CADM1: variants seen among roughly 807,000 people sequenced by gnomAD.
CADM1 encodes the protein TSLC-1.
Under a neutral mutation model 53.1 loss-of-function variants are expected in CADM1, and 15 were observed. The ratio of observed to expected loss-of-function variants is 0.28; its 90% CI spans 0.19 to 0.44. The LOEUF is 0.44. CADM1 is among the 20% of genes least tolerant of loss of function. The probability of loss-of-function intolerance (pLI) is 1.00; values close to 1 mark genes in which losing one functional copy is unlikely to be tolerated. For synonymous variants in CADM1, 281 were observed against 243.0 expected, an observed-to-expected ratio of 1.16 and a Z score of -1.45; for missense variants, 434 against 611.3, an observed-to-expected ratio of 0.71 and a Z score of 3.06.
At chr11:115,247,271 A>T (rs1448586276) in intron 1 of CADM1, among the ~76,000 whole-genome samples, 2 of 152,208 alleles carry the variant, frequency 1.3e-5, no homozygotes, top group Non-Finnish European at 2.9e-5. Context: ...ATGACAGCTC[A>T]TAACAAGGTT....
chr11:115,473,767 A>C (rs1480270100), intron 1 of CADM1, among the ~76,000 whole-genome samples: 6 of 152,298 alleles, frequency 3.9e-5, no homozygotes, highest in Admixed American at 1.3e-4. Context: ...AATCTTCATG[A>C]CTTTGGGTTA....
Position 115,171,720 on chromosome 11 carries a change from A to C in CADM1, c.*4754T>G, listed in dbSNP as rs1328002509. On this transcript the variant is annotated 3_prime_UTR_variant, in exon 12 of 12. Transcript: ENST00000331581. ...CTTCTGGGACTTTTTTCTGTAGGGT[A>C]CAGCTAAAGCTGGAGCCTCATGCTG... 6.6e-6 allele frequency: 1 copy of C among 152,222 alleles called. No homozygotes were observed. The highest frequency in any genetic ancestry group is 2.4e-5 in the African/African-American group (1 of 41,436). The allele number at this position is 152,222 out of a possible 1,614,324, so 9.4% of individuals were successfully genotyped here.
chr11:115,321,065 G>A (rs1320487475), intron 1 of CADM1, among the ~76,000 whole-genome samples: 1 of 152,042 alleles, frequency 6.6e-6, no homozygotes, highest in Non-Finnish European at 1.5e-5. Flanking sequence ...TTCATATATT[G>A]CATTAATGAG....
At chr11:115,383,035 TAAAAC>T (rs1457777357) in intron 1 of CADM1, among the ~76,000 whole-genome samples, 3 of 152,216 alleles carry the variant, frequency 2.0e-5, no homozygotes, top group African/African-American at 4.8e-5. Context: ...TGACATATCT[TAAAAC>T]AAAAGTCTTA....
At chr11:115,296,473 A>G (rs1944082123) in intron 1 of CADM1, among the ~76,000 whole-genome samples, 1 of 151,802 alleles carries the variant, frequency 6.6e-6, no homozygotes, top group Admixed American at 6.6e-5. Context: ...GTGAGTTCTC[A>G]CTCTGGTGAG....
Position 115,496,423 on chromosome 11 carries a change from T to G in CADM1, c.124+7848A>C, listed in dbSNP as rs973550. ...CTGAAGGCTGATAGGCAGAACCACT[T>G]TCTTCCTCAGTTTCACTGGAGAATC... On this transcript the variant is annotated intron_variant, in intron 1 of 11. Transcript: ENST00000331581. Among the ~76,000 whole-genome samples the G allele has an allele frequency of 0.014, 2,114 of 152,248 alleles. 86 individuals carry two copies. In the East Asian group the frequency reaches 0.15, roughly 11 times the overall value.
intron 11 of CADM1, 151 bp from the exon 12 acceptor site, chr11:115,176,743 G>T: frequency 1.3e-6 from 1 of 741,120 alleles, no homozygotes; most frequent in Non-Finnish European, 2.5e-6. Flanking sequence ...GAGCGGGGTG[G>T]GTGAGACAAA....
Position 115,225,767 on chromosome 11 carries a change from T to A in CADM1, c.721+3346A>T, listed in dbSNP as rs540365105. The stretch of plus-strand genomic sequence containing the variant: ...GTCTTACTTAAAGTAAGATATTTAA[T>A]GACATATAACGCAGGTTTTCATTAT... On this transcript the variant is annotated intron_variant, in intron 5 of 11. Coordinates refer to ENST00000331581, the MANE Select transcript of CADM1 (RefSeq NM_001301043.2). Among the ~76,000 whole-genome samples, 5 of 152,352 alleles carry A rather than the reference T, an allele frequency of 3.3e-5. No individual in the cohort carries two copies. The South Asian group carries it at 1.0e-3, about 32-fold the overall frequency.
intron 1 of CADM1, among the ~76,000 whole-genome samples, chr11:115,501,791 G>C (rs1949732033): frequency 6.6e-6 from 1 of 152,134 alleles, no homozygotes; most frequent in Admixed American, 6.5e-5. Flanking sequence ...GGAGGCCTCT[G>C]AGAAAGCTTA....
At chr11:115,462,015 CA>C (rs1454922092) in intron 1 of CADM1, among the ~76,000 whole-genome samples, 2 of 152,122 alleles carry the variant, frequency 1.3e-5, no homozygotes, top group Non-Finnish European at 2.9e-5. Context: ...CACTGGGAAA[CA>C]TTTAGCCGGT....
At chr11:115,230,759 A>G (rs1219202118) in intron 4 of CADM1, among the ~76,000 whole-genome samples, 2 of 152,228 alleles carry the variant, frequency 1.3e-5, no homozygotes, top group Non-Finnish European at 2.9e-5. Context: ...GAATTGGGCA[A>G]CTGAATCACA....
intron 1 of CADM1, among the ~76,000 whole-genome samples, chr11:115,445,504 TAA>T (rs11297951): frequency 3.3e-5 from 5 of 149,420 alleles, no homozygotes; most frequent in African/African-American, 9.8e-5. Context: ...AATCATTGTT[TAA>T]AAAAAAAAAA....
At chr11:115,220,546 G>A (rs895234798) in intron 5 of CADM1, among the ~76,000 whole-genome samples, 15 of 152,132 alleles carry the variant, frequency 9.9e-5, no homozygotes, top group African/African-American at 3.4e-4. Flanking sequence ...CACAGTTACC[G>A]TAATAGCTGG....
intron 1 of CADM1, among the ~76,000 whole-genome samples, chr11:115,411,499 G>A (rs559767384): frequency 1.3e-5 from 2 of 152,226 alleles, no homozygotes; most frequent in South Asian, 4.2e-4. Flanking sequence ...TTAAGAATTA[G>A]GAGAGCCTTA....
intron 1 of CADM1, among the ~76,000 whole-genome samples, chr11:115,493,357 GA>G (rs1949542686): frequency 6.6e-6 from 1 of 151,416 alleles, no homozygotes; most frequent in South Asian, 2.1e-4. Context: ...CCAAGTAGAG[GA>G]ATTACAGAAT....
At chr11:115,408,106 A>G (rs1175816966) in intron 1 of CADM1, among the ~76,000 whole-genome samples, 1 of 152,070 alleles carries the variant, frequency 6.6e-6, no homozygotes, top group Non-Finnish European at 1.5e-5. Context: ...TTTTCAGTCA[A>G]ACAGAGCCGT....
At chr11:115,486,850 G>A (rs1467021191) in intron 1 of CADM1, among the ~76,000 whole-genome samples, 1 of 147,384 alleles carries the variant, frequency 6.8e-6, no homozygotes, top group Non-Finnish European at 1.5e-5. Context: ...TTGTTTAAAT[G>A]GAAAGCCTTC....
At chr11:115,497,326 C>T (rs189937582) in intron 1 of CADM1, among the ~76,000 whole-genome samples, 1 of 152,270 alleles carries the variant, frequency 6.6e-6, no homozygotes, top group African/African-American at 2.4e-5. Flanking sequence ...GAAAAAATTT[C>T]TCCCACCTTA....
At chr11:115,218,424 C>CTTCTATG (rs1461999211) in intron 5 of CADM1, among the ~76,000 whole-genome samples, 1 of 152,092 alleles carries the variant, frequency 6.6e-6, no homozygotes, top group Non-Finnish European at 1.5e-5. Context: ...AAATTTGCCT[C>CTTCTATG]TTCTATGTTC....
Sources: allele counts gnomAD v4.1 joint callset (sites outside exome capture counted in the v4.1 genomes callset), GRCh38; gene constraint gnomAD v4.1.1; transcripts MANE v1.5; gene names NCBI Gene and HGNC (gene_info 2026-07-23, HGNC 2026-07-21).